TACR3: variants seen among roughly 807,000 people sequenced by gnomAD.
The protein encoded by TACR3 is neuromedin-K receptor.
Under a neutral mutation model 35.0 loss-of-function variants are expected in TACR3, and 34 were observed. The observed-to-expected ratio is 0.97, with a 90% CI of 0.74 to 1.30. The LOEUF (loss-of-function observed/expected upper bound fraction) is 1.30, where lower values mean the gene tolerates loss of function less well. Among genes scored for constraint, TACR3 ranks in the 50% most tolerant of loss-of-function variants. The pLI is 0.00. For synonymous variants in TACR3, 233 were observed against 221.1 expected, an observed-to-expected ratio of 1.05 and a Z score of -0.48; for missense variants, 558 against 591.7, an observed-to-expected ratio of 0.94 and a Z score of 0.59.
At chr4:103,604,177 G>T (rs913182239) in intron 3 of TACR3, among the ~76,000 whole-genome samples, 2 of 152,170 alleles carry the variant, frequency 1.3e-5, no homozygotes, top group African/African-American at 4.8e-5. Flanking sequence ...CCATGGTACT[G>T]GTACCAAAAC....
chr4:103,633,701 G>A (rs1196261076), intron 3 of TACR3, among the ~76,000 whole-genome samples: 3 of 152,030 alleles, frequency 2.0e-5, no homozygotes, highest in Non-Finnish European at 4.4e-5. Flanking sequence ...TAGAATAATA[G>A]TCTCTAACCT....
intron 3 of TACR3, among the ~76,000 whole-genome samples, chr4:103,604,825 T>TC (rs1214088461): frequency 6.8e-6 from 1 of 146,262 alleles, no homozygotes; most frequent in Admixed American, 6.7e-5. Flanking sequence ...TAATAATTCT[T>TC]TTTTTTTTCT....
intron 3 of TACR3, among the ~76,000 whole-genome samples, chr4:103,635,107 C>T (rs1467194131): frequency 1.3e-5 from 2 of 151,798 alleles, no homozygotes; most frequent in Non-Finnish European, 2.9e-5. Context: ...TATATATGCA[C>T]ACATATATGC....
chr4:103,625,347 C>CTTGT (rs1261930492), intron 3 of TACR3, among the ~76,000 whole-genome samples: 1 of 151,718 alleles, frequency 6.6e-6, no homozygotes, highest in Non-Finnish European at 1.5e-5. Flanking sequence ...AACTTGGTCC[C>CTTGT]TTGTTACAAA....
chr4:103,659,859 T>C (rs1725802764), intron 1 of TACR3, among the ~76,000 whole-genome samples: 1 of 152,176 alleles, frequency 6.6e-6, no homozygotes, highest in East Asian at 1.9e-4. Flanking sequence ...TGCCAAATTC[T>C]AGCTAATGTT....
chr4:103,624,128 T>TTTGAG (rs1439151147), intron 3 of TACR3, among the ~76,000 whole-genome samples: 1 of 152,204 alleles, frequency 6.6e-6, no homozygotes, highest in African/African-American at 2.4e-5. Context: ...CTAATTAATA[T>TTTGAG]TTGAGTTCCT....
chr4:103,593,657 C>T (rs1049673408), intron 3 of TACR3, among the ~76,000 whole-genome samples: 1 of 152,052 alleles, frequency 6.6e-6, no homozygotes, highest in Non-Finnish European at 1.5e-5. Flanking sequence ...TTCCCTGGCT[C>T]CTCCCTCTAC....
chr4:103,702,188 T>C (rs1243521695), intron 1 of TACR3, among the ~76,000 whole-genome samples: 1 of 151,908 alleles, frequency 6.6e-6, no homozygotes, highest in Non-Finnish European at 1.5e-5. Context: ...TACAATGAAC[T>C]CAAACAAATT....
intron 1 of TACR3, among the ~76,000 whole-genome samples, chr4:103,716,901 C>T (rs1375502103): frequency 6.6e-6 from 1 of 152,138 alleles, no homozygotes; most frequent in African/African-American, 2.4e-5. Context: ...ATATTCTTAG[C>T]TAAATGAGTC....
chr4:103,668,882 G>A (rs1176292584), intron 1 of TACR3, among the ~76,000 whole-genome samples: 1 of 150,488 alleles, frequency 6.6e-6, no homozygotes, highest in East Asian at 2.0e-4. Context: ...TATTTATGAA[G>A]TATATGTGAT....
At chr4:103,591,811 A>G in intron 3 of TACR3, 128 bp from the exon 4 acceptor site, 1 of 932,050 alleles carries the variant, frequency 1.1e-6, no homozygotes, top group South Asian at 1.5e-5. Context: ...TCAATATATT[A>G]AAAAATGGTG....
chr4:103,626,142 C>G (rs1003819551), intron 3 of TACR3, among the ~76,000 whole-genome samples: 1 of 152,156 alleles, frequency 6.6e-6, no homozygotes, highest in African/African-American at 2.4e-5. Flanking sequence ...TTACCTTTCC[C>G]TCCCTATCAC....
rs1209103940 is a variant in TACR3 at position 103,587,707 on chromosome 4, A to G, written c.*1975T>C. The G allele has an allele frequency of 6.6e-6, 1 of 152,124 alleles. No homozygotes were observed. The highest frequency in any genetic ancestry group is 1.9e-4 in the East Asian group (1 of 5,206). 9.4% of individuals were successfully genotyped at this position (152,124 alleles called of 1,614,324 possible). A position where few individuals can be genotyped will look rare whatever the true frequency, so the allele number is the denominator to read the frequency against. On this transcript the variant is annotated 3_prime_UTR_variant, in exon 5 of 5. Coordinates refer to ENST00000304883, the MANE Select transcript of TACR3 (RefSeq NM_001059.3). ...GTACCATATCATTCATAAATTTAAG[A>G]AAATAATAACTTTTTACATATTAGG... is the stretch of plus-strand genomic sequence containing the variant.
intron 3 of TACR3, among the ~76,000 whole-genome samples, chr4:103,630,246 C>G (rs967223366): frequency 2.6e-5 from 4 of 152,176 alleles, no homozygotes; most frequent in Non-Finnish European, 5.9e-5. Context: ...TAGAATAAAA[C>G]CTAGGCAATA....
At chr4:103,648,323 A>C (rs993900678) in intron 3 of TACR3, among the ~76,000 whole-genome samples, 1 of 152,064 alleles carries the variant, frequency 6.6e-6, no homozygotes, top group African/African-American at 2.4e-5. Context: ...TTAAATGTAC[A>C]ATTAAATTAT....
At chr4:103,696,955 C>A (rs1421626879) in intron 1 of TACR3, among the ~76,000 whole-genome samples, 5 of 152,072 alleles carry the variant, frequency 3.3e-5, no homozygotes, top group Non-Finnish European at 5.9e-5. Context: ...GCTCTGTCAC[C>A]CAGGCTGGTA....
chr4:103,673,685 G>T (rs1038958239), intron 1 of TACR3, among the ~76,000 whole-genome samples: 8 of 152,110 alleles, frequency 5.3e-5, no homozygotes, highest in Admixed American at 2.0e-4. Flanking sequence ...CAGCAAAATG[G>T]CACCAATAGT....
At chr4:103,638,395 A>G (rs1725250079) in intron 3 of TACR3, among the ~76,000 whole-genome samples, 1 of 152,018 alleles carries the variant, frequency 6.6e-6, no homozygotes, top group South Asian at 2.1e-4. Flanking sequence ...ATATGTAGAA[A>G]GCTGAAACTG....
chr4:103,676,807 G>C (rs769603948), intron 1 of TACR3, among the ~76,000 whole-genome samples: 11 of 152,134 alleles, frequency 7.2e-5, no homozygotes, highest in African/African-American at 2.7e-4. Context: ...CACGGGCAAA[G>C]ATTTTATGAC....
Sources: gnomAD v4.1 joint callset for allele counts (sites outside exome capture counted in the v4.1 genomes callset) on GRCh38, gnomAD v4.1.1 for gene constraint, MANE v1.5 for transcripts, NCBI Gene and HGNC (gene_info 2026-07-23, HGNC 2026-07-21) for gene names.